ANKS1B: variants seen among roughly 807,000 people sequenced by gnomAD.
The protein encoded by ANKS1B is ankyrin repeat and sterile alpha motif domain-containing protein 1B.
A neutral mutation model predicts 148.3 loss-of-function variants in ANKS1B; 36 were observed. The observed-to-expected ratio is 0.24, with a 90% CI of 0.19 to 0.32. The LOEUF (loss-of-function observed/expected upper bound fraction) is 0.32. Among genes scored for constraint, ANKS1B ranks in the 10% least tolerant of loss-of-function variants. The pLI, the probability that ANKS1B is intolerant of heterozygous loss-of-function variation, is 1.00. For missense variants in ANKS1B, 1,157 were observed against 1,542.6 expected, an observed-to-expected ratio of 0.75 and a Z score of 4.19; for synonymous variants, 542 against 560.8, an observed-to-expected ratio of 0.97 and a Z score of 0.47.
intron 8 of ANKS1B, among the ~76,000 whole-genome samples, chr12:99,705,789 G>A (rs371133545): frequency 9.2e-5 from 14 of 152,114 alleles, no homozygotes; most frequent in Admixed American, 2.6e-4. Flanking sequence ...TGACCAGTCC[G>A]GATTTAAATG....
chr12:99,713,979 A>G (rs1404964459), intron 8 of ANKS1B, among the ~76,000 whole-genome samples: 1 of 152,192 alleles, frequency 6.6e-6, no homozygotes, highest in Non-Finnish European at 1.5e-5. Context: ...ATGCACATTT[A>G]TCTTCTTTTT....
At chr12:98,778,601 A>T (rs1336413114) in intron 24 of ANKS1B, among the ~76,000 whole-genome samples, 1 of 152,184 alleles carries the variant, frequency 6.6e-6, no homozygotes, top group Non-Finnish European at 1.5e-5. Context: ...AGAACAAAGT[A>T]GCATACACAG....
intron 10 of ANKS1B, among the ~76,000 whole-genome samples, chr12:99,487,785 A>G (rs2096512183): frequency 6.6e-6 from 1 of 152,140 alleles, no homozygotes; most frequent in Non-Finnish European, 1.5e-5. Context: ...GCTTGAAAAG[A>G]ATATATATAT....
At chr12:99,559,945 T>TA (rs1262643529) in intron 9 of ANKS1B, among the ~76,000 whole-genome samples, 1 of 152,166 alleles carries the variant, frequency 6.6e-6, no homozygotes, top group Non-Finnish European at 1.5e-5. Flanking sequence ...AAGTAAGACC[T>TA]AAAATAATTG....
intron 1 of ANKS1B, among the ~76,000 whole-genome samples, chr12:99,874,633 C>T (rs2091890964): frequency 6.6e-6 from 1 of 152,152 alleles, no homozygotes; most frequent in South Asian, 2.1e-4. Flanking sequence ...AGCCTGAATT[C>T]AAATAATACT....
intron 14 of ANKS1B, among the ~76,000 whole-genome samples, chr12:99,233,166 G>A (rs2087185146): frequency 1.3e-5 from 2 of 152,052 alleles, no homozygotes; most frequent in Non-Finnish European, 2.9e-5. Context: ...ACTACAAGAT[G>A]TTTCATTATA....
At position 99,644,017 on chromosome 12, in the gene ANKS1B, T is replaced by C. The variant is rs75700658; in HGVS notation, c.1272+11050A>G. The stretch of plus-strand genomic sequence containing the variant: ...TCCAACCATCAAGTCCTGGTTTCTT[T>C]GAGTTTAAATGTTCTTCTCACAATT... On this transcript the variant is annotated intron_variant, in intron 9 of 26. Transcript: ENST00000683438. Among the ~76,000 whole-genome samples, 846 of 152,336 alleles carry C rather than the reference T, an allele frequency of 5.6e-3. 13 individuals carry two copies. Among genetic ancestry groups the C allele is most frequent in the African/African-American group, 0.019 (804 of 41,584 alleles).
rs1203872295 is a variant in ANKS1B at position 98,994,945 on chromosome 12, C to CA, written c.2778+58211_2778+58212insT. 5.3e-3 allele frequency among the ~76,000 whole-genome samples: 806 copies of CA among 152,222 alleles called. 1 individual carries two copies. Among genetic ancestry groups the CA allele is most frequent in the Non-Finnish European group, 7.4e-3 (500 of 68,024 alleles). ...TGTATTGTTGGAGGATAAAATTCAACCATAACGCTTGTGTAAATTGTGAAG... is the reference window on the plus strand; with the variant it reads ...TGTATTGTTGGAGGATAAAATTCAACACATAACGCTTGTGTAAATTGTGAAG... On this transcript the variant is annotated intron_variant, in intron 17 of 26. Coordinates refer to ENST00000683438, the MANE Select transcript of ANKS1B (RefSeq NM_001352186.2).
At chr12:99,008,292 C>T (rs1234365053) in intron 17 of ANKS1B, among the ~76,000 whole-genome samples, 2 of 152,104 alleles carry the variant, frequency 1.3e-5, no homozygotes, top group East Asian at 3.9e-4. Flanking sequence ...TTCCTCTTTT[C>T]TCCTCCCTCC....
chr12:99,261,681 T>C (rs2075939352), intron 12 of ANKS1B, among the ~76,000 whole-genome samples: 1 of 152,140 alleles, frequency 6.6e-6, no homozygotes. Context: ...GCCTCACTTG[T>C]CCTTTTCTCC....
At chr12:99,252,250 T>C (rs899072866) in intron 12 of ANKS1B, among the ~76,000 whole-genome samples, 2 of 152,184 alleles carry the variant, frequency 1.3e-5, no homozygotes, top group Admixed American at 6.5e-5. Context: ...AGTGTGGCTA[T>C]AATAGAGTGG....
intron 9 of ANKS1B, among the ~76,000 whole-genome samples, chr12:99,519,303 T>C (rs1349936016): frequency 1.3e-5 from 2 of 152,104 alleles, no homozygotes; most frequent in Non-Finnish European, 2.9e-5. Flanking sequence ...ATCTGTCCAA[T>C]CCTGAAAGTG....
intron 8 of ANKS1B, among the ~76,000 whole-genome samples, chr12:99,760,106 A>G (rs1440899040): frequency 6.6e-6 from 1 of 151,918 alleles, no homozygotes; most frequent in African/African-American, 2.4e-5. Flanking sequence ...ATATAGATGC[A>G]TATTTTAACA....
chr12:99,281,217 C>T (rs1274570986), intron 12 of ANKS1B, among the ~76,000 whole-genome samples: 1 of 152,104 alleles, frequency 6.6e-6, no homozygotes, highest in Non-Finnish European at 1.5e-5. Context: ...TGTGCTGATC[C>T]ACTCAGAGTA....
At chr12:99,155,325 C>T (rs768169359) in intron 14 of ANKS1B, among the ~76,000 whole-genome samples, 4 of 151,982 alleles carry the variant, frequency 2.6e-5, no homozygotes, top group East Asian at 3.8e-4. Flanking sequence ...TAAGCCTCTC[C>T]GAGATATATA....
At chr12:99,893,353 G>C (rs2093218281) in intron 1 of ANKS1B, among the ~76,000 whole-genome samples, 1 of 149,984 alleles carries the variant, frequency 6.7e-6, no homozygotes. Context: ...AGAGCTTGCA[G>C]TGAGCCGAGA....
chr12:98,974,635 T>C (rs187071146), intron 17 of ANKS1B, among the ~76,000 whole-genome samples: 3 of 150,762 alleles, frequency 2.0e-5, no homozygotes, highest in East Asian at 3.9e-4. Context: ...AAACAACCCA[T>C]GGAGTAAATT....
intron 8 of ANKS1B, among the ~76,000 whole-genome samples, chr12:99,693,576 C>T (rs2153507183): frequency 6.6e-6 from 1 of 152,200 alleles, no homozygotes; most frequent in Middle Eastern, 3.4e-3. Flanking sequence ...TTAAAGCTGA[C>T]CTTATCTGAT....
intron 12 of ANKS1B, among the ~76,000 whole-genome samples, chr12:99,379,477 T>C (rs900164053): frequency 6.6e-6 from 1 of 152,208 alleles, no homozygotes; most frequent in East Asian, 1.9e-4. Flanking sequence ...TGCAAAACAT[T>C]TAGAAAAGTT....
Sources: gnomAD v4.1 joint callset for allele counts (sites outside exome capture counted in the v4.1 genomes callset) on GRCh38, gnomAD v4.1.1 for gene constraint, MANE v1.5 for transcripts, NCBI Gene and HGNC (gene_info 2026-07-23, HGNC 2026-07-21) for gene names.